Variants in COL5A2 observed in about 807,000 individuals in gnomAD.
COL5A2 encodes collagen type V alpha 2 chain.
In COL5A2, 23 loss-of-function variants were observed where a neutral mutation model predicts 208.2. The ratio of observed to expected loss-of-function variants is 0.11; its 90% CI spans 0.08 to 0.16. COL5A2 has a LOEUF of 0.16. COL5A2 is among the 10% of genes least tolerant of loss of function. The pLI is 1.00. For synonymous variants in COL5A2, 625 were observed against 628.5 expected, an observed-to-expected ratio of 0.99 and a Z score of 0.08; for missense variants, 1,590 against 1,956.4, an observed-to-expected ratio of 0.81 and a Z score of 3.53.
intron 7 of COL5A2, among the ~76,000 whole-genome samples, chr2:189,090,328 G>A (rs1686757102): frequency 6.6e-6 from 1 of 152,172 alleles, no homozygotes; most frequent in South Asian, 2.1e-4. Context: ...GGAAGTGGCA[G>A]AAGAAAAGTT....
At chr2:189,065,169 C>A in intron 23 of COL5A2, 112 bp from the exon 24 acceptor site, 1 of 945,156 alleles carries the variant, frequency 1.1e-6, no homozygotes, top group Non-Finnish European at 1.7e-6. Context: ...ATCATCAAGC[C>A]AACATGGCTA....
At chr2:189,355,256 G>C in the COL5A2 span, among the ~76,000 whole-genome samples, 1 of 152,304 alleles carries the variant, frequency 6.6e-6, no homozygotes, top group African/African-American at 2.4e-5. Context: ...TGTATATTCT[G>C]TTCGTTTGGG....
the COL5A2 span, among the ~76,000 whole-genome samples, chr2:189,245,378 T>C: frequency 6.6e-6 from 1 of 152,218 alleles, no homozygotes; most frequent in Non-Finnish European, 1.5e-5. Flanking sequence ...GAAAAGGTGC[T>C]TTAAATCAAA....
chr2:189,160,271 C>T (rs1688333145), intron 1 of COL5A2, among the ~76,000 whole-genome samples: 1 of 152,132 alleles, frequency 6.6e-6, no homozygotes. Flanking sequence ...TATAATACTA[C>T]TTATATGTAG....
chr2:189,268,159 T>G, the COL5A2 span, among the ~76,000 whole-genome samples: 1 of 152,164 alleles, frequency 6.6e-6, no homozygotes, highest in Non-Finnish European at 1.5e-5. Flanking sequence ...GAAATAAATT[T>G]TAAAAGGAAG....
At chr2:189,041,867 C>T (rs1685568670) in intron 49 of COL5A2, among the ~76,000 whole-genome samples, 174 bp from the exon 50 acceptor site, 1 of 152,198 alleles carries the variant, frequency 6.6e-6, no homozygotes, top group African/African-American at 2.4e-5. Flanking sequence ...GATTTCATCA[C>T]ATAAGAATTT....
chr2:189,243,025 AAT>A, the COL5A2 span, among the ~76,000 whole-genome samples: 20 of 152,300 alleles, frequency 1.3e-4, no homozygotes, highest in East Asian at 3.9e-3. Context: ...AGGAGTAGAT[AAT>A]AAAAAAACAG....
At chr2:189,239,624 T>TGGGGGGA in the COL5A2 span, among the ~76,000 whole-genome samples, 1 of 56,772 alleles carries the variant, frequency 1.8e-5, no homozygotes, top group Non-Finnish European at 3.1e-5. Context: ...TGTTGTGGGG[T>TGGGGGGA]GGGGGGAGGG....
At chr2:189,292,585 A>G in the COL5A2 span, among the ~76,000 whole-genome samples, 4 of 152,358 alleles carry the variant, frequency 2.6e-5, no homozygotes, top group East Asian at 7.7e-4. Context: ...AATGGCAATC[A>G]TTAAAAAGTC....
At chr2:189,248,251 C>A in the COL5A2 span, among the ~76,000 whole-genome samples, 1 of 152,224 alleles carries the variant, frequency 6.6e-6, no homozygotes, top group East Asian at 1.9e-4. Flanking sequence ...TATATTTGTG[C>A]AACAAAGTCT....
chr2:189,374,030 A>G, the COL5A2 span, among the ~76,000 whole-genome samples: 252 of 152,318 alleles, frequency 1.7e-3, 1 homozygote, highest in African/African-American at 5.6e-3. Context: ...AATTGAGTCC[A>G]TTTTTGAAGG....
At chr2:189,212,320 G>T (rs1405481877) in intron 1 of COL5A2, among the ~76,000 whole-genome samples, 1 of 152,090 alleles carries the variant, frequency 6.6e-6, no homozygotes. Flanking sequence ...CATCAAATGG[G>T]CTGGGGCAAT....
At chr2:189,335,764 G>A in the COL5A2 span, among the ~76,000 whole-genome samples, 1 of 151,972 alleles carries the variant, frequency 6.6e-6, no homozygotes, top group Admixed American at 6.6e-5. Context: ...GGGAAAAGGA[G>A]AATGAGGAGT....
chr2:189,264,314 CAT>C, the COL5A2 span, among the ~76,000 whole-genome samples: 1 of 151,790 alleles, frequency 6.6e-6, no homozygotes, highest in Non-Finnish European at 1.5e-5. Context: ...GTATTCTGAC[CAT>C]GTCTGTTTTC....
chr2:189,081,120 C>A (rs1686525179), intron 12 of COL5A2, 77 bp from the exon 13 acceptor site: 3 of 1,135,278 alleles, frequency 2.6e-6, no homozygotes, highest in Admixed American at 3.5e-5. Flanking sequence ...CATTTTTTCC[C>A]AAAAAATAGC....
At chr2:189,273,502 C>T in the COL5A2 span, among the ~76,000 whole-genome samples, 1 of 152,016 alleles carries the variant, frequency 6.6e-6, no homozygotes, top group Admixed American at 6.6e-5. Context: ...ACTGAATATA[C>T]AGCCAAAGGA....
chr2:189,176,218 T>C (rs1688676094), intron 1 of COL5A2, among the ~76,000 whole-genome samples: 2 of 152,134 alleles, frequency 1.3e-5, no homozygotes, highest in South Asian at 4.1e-4. Flanking sequence ...CAGTGTAGGA[T>C]TGCAACATGA....
chr2:189,409,481 T>C, the COL5A2 span, among the ~76,000 whole-genome samples: 6 of 152,078 alleles, frequency 3.9e-5, no homozygotes, highest in Admixed American at 6.6e-5. Context: ...ATTAATGAAA[T>C]AAGAAAATTA....
the COL5A2 span, among the ~76,000 whole-genome samples, chr2:189,288,778 C>T: frequency 3.9e-5 from 6 of 152,054 alleles, no homozygotes; most frequent in African/African-American, 7.2e-5. Context: ...AATTACAGGC[C>T]AGTATCCCTG....
Sources: gnomAD v4.1 joint callset for allele counts (sites outside exome capture counted in the v4.1 genomes callset) on GRCh38, gnomAD v4.1.1 for gene constraint, MANE v1.5 for transcripts, NCBI Gene and HGNC (gene_info 2026-07-23, HGNC 2026-07-21) for gene names.